ZNF516: variants seen among roughly 807,000 people sequenced by gnomAD.
ZNF516 encodes the protein zinc finger protein 516.
In ZNF516, 19 loss-of-function variants were observed where a neutral mutation model predicts 79.7. The observed-to-expected ratio is 0.24, with a 90% CI of 0.17 to 0.35. ZNF516 has a LOEUF of 0.35. ZNF516 is among the 10% of genes least tolerant of loss of function. The pLI is 1.00. For synonymous variants in ZNF516, 877 were observed against 739.5 expected (o/e 1.19, Z -3.02); for missense variants, 1,678 against 1,679.5 (o/e 1.00, Z 0.02).
chr18:76,473,378 A>C (rs963187987), intron 1 of ZNF516, among the ~76,000 whole-genome samples: 10 of 138,366 alleles, frequency 7.2e-5, no homozygotes, highest in Non-Finnish European at 7.8e-5. Context: ...AAAAAAAAAA[A>C]ACACCTATGA....
chr18:76,474,381 G>A (rs956963669), intron 1 of ZNF516, among the ~76,000 whole-genome samples: 6 of 152,146 alleles, frequency 3.9e-5, no homozygotes, highest in Non-Finnish European at 8.8e-5. Context: ...GGTCCCAGGA[G>A]CTCCATAATA....
chr18:76,477,917 GA>G (rs1180924790), intron 1 of ZNF516, among the ~76,000 whole-genome samples: 1 of 152,044 alleles, frequency 6.6e-6, no homozygotes, highest in Non-Finnish European at 1.5e-5. Context: ...CAGCTTTTCT[GA>G]ACCAGTATTG....
At chr18:76,444,834 A>G (rs1284254125) in intron 2 of ZNF516, among the ~76,000 whole-genome samples, 1 of 152,242 alleles carries the variant, frequency 6.6e-6, no homozygotes, top group Non-Finnish European at 1.5e-5. Context: ...TTCTGAAAAG[A>G]CAGACCCCAT....
chr18:76,403,170 C>A (rs1357386249), intron 3 of ZNF516, among the ~76,000 whole-genome samples: 3 of 152,202 alleles, frequency 2.0e-5, no homozygotes. Context: ...GAATAAAACA[C>A]AACTGCTTAA....
chr18:76,443,766 G>A (rs1348003752), intron 2 of ZNF516, among the ~76,000 whole-genome samples: 1 of 152,216 alleles, frequency 6.6e-6, no homozygotes, highest in Non-Finnish European at 1.5e-5. Context: ...ACATCCTACA[G>A]TGGACACACA....
intron 1 of ZNF516, among the ~76,000 whole-genome samples, chr18:76,468,028 C>T (rs1345714055): frequency 1.3e-5 from 2 of 152,186 alleles, no homozygotes; most frequent in African/African-American, 4.8e-5. Context: ...CTCCCTGCAG[C>T]AGCCAACACA....
intron 3 of ZNF516, among the ~76,000 whole-genome samples, chr18:76,425,297 C>G (rs796422185): frequency 8.5e-5 from 13 of 152,342 alleles, no homozygotes; most frequent in African/African-American, 3.1e-4. Flanking sequence ...AATTCTTCAA[C>G]AGTGCAAGCA....
chr18:76,418,224 AAC>A (rs1347965635), intron 3 of ZNF516, among the ~76,000 whole-genome samples: 38 of 152,224 alleles, frequency 2.5e-4, no homozygotes, highest in South Asian at 2.3e-3. Flanking sequence ...AACACACTGT[AAC>A]ACACGCTATC....
At position 76,396,439 on chromosome 18, in the gene ZNF516, G is replaced by A. The variant is rs144083691; in HGVS notation, c.1811-16136C>T. ...GCCACTGCATTCAAAATCATTTCAA[G>A]ATTTCAGCATTTACTTTTAATATTT... On this transcript the variant is annotated intron_variant, in intron 3 of 6. Transcript: ENST00000443185. Among the ~76,000 whole-genome samples the A allele has an allele frequency of 2.5e-3, 376 of 152,298 alleles. 1 individual carries two copies. The highest frequency in any genetic ancestry group is 8.3e-3 in the African/African-American group (344 of 41,548).
intron 1 of ZNF516, among the ~76,000 whole-genome samples, chr18:76,475,558 G>A (rs1193287859): frequency 1.3e-5 from 2 of 152,190 alleles, no homozygotes; most frequent in Non-Finnish European, 2.9e-5. Flanking sequence ...TGCACGCTAA[G>A]AGAAAGCTGA....
At chr18:76,401,912 T>A (rs2075233912) in intron 3 of ZNF516, among the ~76,000 whole-genome samples, 1 of 115,818 alleles carries the variant, frequency 8.6e-6, no homozygotes, top group African/African-American at 3.2e-5. Context: ...GGAAAACCAG[T>A]ATTGTTTGAG....
chr18:76,465,120 A>G (rs1913379636), intron 1 of ZNF516, among the ~76,000 whole-genome samples: 1 of 152,264 alleles, frequency 6.6e-6, no homozygotes, highest in Non-Finnish European at 1.5e-5. Context: ...TGGCGTGGTC[A>G]TCCACACTAT....
chr18:76,395,904 G>A (rs879723198), intron 3 of ZNF516, among the ~76,000 whole-genome samples: 15 of 152,118 alleles, frequency 9.9e-5, no homozygotes, highest in Non-Finnish European at 1.5e-4. Context: ...TCCCCACACC[G>A]CGAGCTTCAC....
chr18:76,461,945 AC>A (rs1447280084), intron 2 of ZNF516, among the ~76,000 whole-genome samples: 1 of 152,074 alleles, frequency 6.6e-6, no homozygotes. Context: ...ATGTGGGGAA[AC>A]CGCTCCGCCC....
At position 76,427,205 on chromosome 18, in the gene ZNF516, C is replaced by CA. The variant is rs1464293893; in HGVS notation, c.1810+14039dup. ...CATTATTATATATTATTGGTTTCAA[C>CA]ACTTACGACTGGAACCATCTTGAGA... is the stretch of plus-strand genomic sequence containing the variant. On this transcript the variant is annotated intron_variant, in intron 3 of 6. Coordinates refer to ENST00000443185, the MANE Select transcript of ZNF516 (RefSeq NM_014643.4). Among the ~76,000 whole-genome samples, 4 of 152,316 alleles carry CA rather than the reference C, an allele frequency of 2.6e-5. No homozygotes were observed. The East Asian group carries it at 7.7e-4, about 29-fold the overall frequency.
At chr18:76,365,069 C>T (rs925765003) in intron 6 of ZNF516, among the ~76,000 whole-genome samples, 3 of 152,176 alleles carry the variant, frequency 2.0e-5, no homozygotes, top group Non-Finnish European at 4.4e-5. Context: ...TGCATATATT[C>T]AAATGTACCA....
intron 1 of ZNF516, among the ~76,000 whole-genome samples, chr18:76,476,804 T>C (rs1914200026): frequency 6.6e-6 from 1 of 152,194 alleles, no homozygotes; most frequent in South Asian, 2.1e-4. Context: ...TGAACAACTA[T>C]AAATTTCACA....
chr18:76,407,971 G>A (rs1381341634), intron 3 of ZNF516, among the ~76,000 whole-genome samples: 1 of 152,218 alleles, frequency 6.6e-6, no homozygotes, highest in Non-Finnish European at 1.5e-5. Flanking sequence ...CCTGGATGAT[G>A]CCAACTGCAC....
Position 76,379,505 on chromosome 18 carries a change from T to C in ZNF516, c.2609A>G (p.His870Arg), listed in dbSNP as rs199852420. The C allele has an allele frequency of 7.3e-4, 1,185 of 1,613,750 alleles. 10 individuals are homozygous for C. In the South Asian group the frequency reaches 9.9e-3, roughly 13 times the overall value. ...CCACAGAGCGCAGGGACCTCCGGAA[T>C]GGCTCTCCTTATTCTTAGGCATGCT... ...AASMPKNKES[H>R]SGGPCALWAP... The change falls in exon 4 of 7, where the codon CAT (histidine) becomes CGT (arginine). Residue 870 changes from histidine (H) to arginine (R), a missense_variant. Physicochemically the swap from His to Arg is conservative, Grantham distance 29. Coordinates refer to ENST00000443185, the MANE Select transcript of ZNF516 (RefSeq NM_014643.4).
Sources: allele counts gnomAD v4.1 joint callset (sites outside exome capture counted in the v4.1 genomes callset), GRCh38; gene constraint gnomAD v4.1.1; transcripts MANE v1.5; gene names NCBI Gene and HGNC (gene_info 2026-07-23, HGNC 2026-07-21).